Variants in RGS7 observed in about 807,000 individuals in gnomAD.
The protein encoded by RGS7 is regulator of G-protein signaling 7.
A neutral mutation model predicts 81.1 loss-of-function variants in RGS7; 27 were observed. The observed-to-expected ratio is 0.33, with a 90% CI of 0.25 to 0.46. The LOEUF (loss-of-function observed/expected upper bound fraction) is 0.46. Among genes scored for constraint, RGS7 ranks in the 20% least tolerant of loss-of-function variants. RGS7 has a pLI of 1.00. For missense variants in RGS7, 396 were observed against 607.4 expected, an observed-to-expected ratio of 0.65 and a Z score of 3.66; for synonymous variants, 208 against 207.7, an observed-to-expected ratio of 1.00 and a Z score of -0.01.
intron 3 of RGS7, among the ~76,000 whole-genome samples, chr1:241,058,997 C>T (rs765168968): frequency 6.6e-6 from 1 of 152,206 alleles, no homozygotes; most frequent in Admixed American, 6.5e-5. Context: ...CAACACACTT[C>T]GAAAGGCATT....
chr1:241,313,800 G>C (rs956649616), intron 2 of RGS7, among the ~76,000 whole-genome samples: 19 of 152,128 alleles, frequency 1.2e-4, no homozygotes, highest in African/African-American at 4.3e-4. Flanking sequence ...TAATTCATAG[G>C]AAGAGGTCAA....
chr1:241,105,164 T>C (rs547571668), intron 2 of RGS7, among the ~76,000 whole-genome samples: 1 of 152,304 alleles, frequency 6.6e-6, no homozygotes, highest in South Asian at 2.1e-4. Flanking sequence ...TTAGAGGAAT[T>C]TCTTCCTTTA....
chr1:241,169,172 A>T (rs2070514055), intron 2 of RGS7, among the ~76,000 whole-genome samples: 1 of 151,610 alleles, frequency 6.6e-6, no homozygotes, highest in Non-Finnish European at 1.5e-5. Context: ...TTATACACAC[A>T]TGTAATATAT....
intron 6 of RGS7, among the ~76,000 whole-genome samples, chr1:240,885,358 T>TA (rs1385435973): frequency 1.3e-5 from 2 of 152,074 alleles, no homozygotes; most frequent in Non-Finnish European, 2.9e-5. Flanking sequence ...CTCAAAGAGC[T>TA]AAAAACAGAA....
chr1:240,930,764 G>T lies in RGS7; in HGVS notation c.338C>A (p.Pro113His). The change falls in exon 6 of 19, where the codon CCC (proline) becomes CAC (histidine). Residue 113 changes from proline to histidine, a missense_variant. Transcript: ENST00000440928. ...DDGTFYRFQT[P>H]YFWPSNCWEP... is the part of the protein sequence containing the mutation. ...CCAACAATTTGATGGCCAAAAATAGGGGGTCTGCGGAATGAAAAGAAGTGG... is the reference window on the plus strand; with the variant it reads ...CCAACAATTTGATGGCCAAAAATAGTGGGTCTGCGGAATGAAAAGAAGTGG... The T allele has an allele frequency of 2.5e-6, 4 of 1,613,768 alleles. No individual in the cohort carries two copies. Among genetic ancestry groups the T allele is most frequent in the Non-Finnish European group, 2.5e-6 (3 of 1,179,806 alleles).
rs181742873 is a variant in RGS7, at chr1:241,314,036, T to C, written c.78+41663A>G. Among the ~76,000 whole-genome samples the C allele has an allele frequency of 9.2e-5, 14 of 152,310 alleles. No homozygotes were observed. In the East Asian group the frequency reaches 2.7e-3, roughly 29 times the overall value. On this transcript the variant is annotated intron_variant, in intron 2 of 18. Transcript: ENST00000440928. ...TTATGAATGTGCAAAAAAAAGTGGT[T>C]TTTTGAGATGGAATCTACTCCTAGT...
At chr1:240,894,475 A>G (rs1035850516) in intron 6 of RGS7, among the ~76,000 whole-genome samples, 2 of 151,964 alleles carry the variant, frequency 1.3e-5, no homozygotes, top group Admixed American at 6.6e-5. Flanking sequence ...CCTCTCTTCC[A>G]TATTTTCCAT....
chr1:240,783,036 C>T lies in RGS7; in HGVS notation c.*7-6823G>A, dbSNP rs142019099. On this transcript the variant is annotated intron_variant, in intron 18 of 18. Coordinates refer to ENST00000440928, the MANE Select transcript of RGS7 (RefSeq NM_001364886.1). ...AATGGAAATATGCTAGAAAAAGCAGCATATAATCAGTTTCAGGACAAAATA... is the reference window on the plus strand; with the variant it reads ...AATGGAAATATGCTAGAAAAAGCAGTATATAATCAGTTTCAGGACAAAATA... Among the ~76,000 whole-genome samples the T allele has an allele frequency of 5.8e-3, 888 of 152,222 alleles. 12 individuals carry two copies. The highest frequency in any genetic ancestry group is 0.021 in the African/African-American group (857 of 41,546).
chr1:241,152,687 A>G lies in RGS7; in HGVS notation c.79-53925T>C, dbSNP rs185827385. Among the ~76,000 whole-genome samples the G allele has an allele frequency of 3.1e-4, 47 of 152,282 alleles. No individual in the cohort carries two copies. In the East Asian group the frequency reaches 7.0e-3, roughly 23 times the overall value. ...GGAGCAATGTGGTTGGTTCTGGCCA[A>G]TGAGCTGTGAGTGGAAGAGACCTGC... On this transcript the variant is annotated intron_variant, in intron 2 of 18. Transcript: ENST00000440928.
intron 3 of RGS7, among the ~76,000 whole-genome samples, chr1:241,015,630 T>A (rs1424252864): frequency 6.6e-6 from 1 of 152,198 alleles, no homozygotes; most frequent in Admixed American, 6.5e-5. Flanking sequence ...CAAATAAATG[T>A]CAACCTCAAT....
chr1:240,805,979 A>T (rs540411652), intron 15 of RGS7, among the ~76,000 whole-genome samples, 161 bp downstream of exon 15: 14 of 152,216 alleles, frequency 9.2e-5, no homozygotes, highest in Non-Finnish European at 1.6e-4. Flanking sequence ...ATTCAGTTTA[A>T]TGTGTCTTTG....
intron 2 of RGS7, among the ~76,000 whole-genome samples, chr1:241,215,111 T>C (rs1189426772): frequency 6.6e-6 from 1 of 152,196 alleles, no homozygotes; most frequent in Non-Finnish European, 1.5e-5. Flanking sequence ...TGTGGATGAT[T>C]CATTGTAAAA....
intron 6 of RGS7, among the ~76,000 whole-genome samples, chr1:240,893,116 A>T (rs1479898843): frequency 6.6e-6 from 1 of 152,216 alleles, no homozygotes; most frequent in Non-Finnish European, 1.5e-5. Context: ...CAATCCAGTG[A>T]AATAGACAGC....
chr1:240,972,231 A>G (rs1331756817), intron 4 of RGS7, among the ~76,000 whole-genome samples: 2 of 152,186 alleles, frequency 1.3e-5, no homozygotes, highest in Non-Finnish European at 1.5e-5. Context: ...TAGTTGTTCA[A>G]AAAGGTGCAG....
chr1:241,025,010 T>G (rs938527202), intron 3 of RGS7, among the ~76,000 whole-genome samples: 3 of 152,248 alleles, frequency 2.0e-5, no homozygotes, highest in Non-Finnish European at 4.4e-5. Context: ...ATTGAGTCCC[T>G]GGGAATTTGC....
chr1:241,278,390 A>G (rs1253033405), intron 2 of RGS7, among the ~76,000 whole-genome samples: 4 of 152,110 alleles, frequency 2.6e-5, no homozygotes, highest in Non-Finnish European at 5.9e-5. Flanking sequence ...TTTCTAATCT[A>G]TTCTACATTA....
At chr1:240,960,940 T>C (rs1054087144) in intron 4 of RGS7, among the ~76,000 whole-genome samples, 2 of 152,172 alleles carry the variant, frequency 1.3e-5, no homozygotes, top group African/African-American at 4.8e-5. Context: ...AGTGCAATTA[T>C]GAATATAGGT....
intron 2 of RGS7, among the ~76,000 whole-genome samples, chr1:241,276,060 T>C (rs140538058): frequency 1.3e-5 from 2 of 152,346 alleles, no homozygotes; most frequent in Admixed American, 6.5e-5. Flanking sequence ...TCAGAGATAC[T>C]AGGGCATCCA....
intron 2 of RGS7, among the ~76,000 whole-genome samples, chr1:241,349,388 C>A (rs1199073183): frequency 2.0e-5 from 3 of 152,170 alleles, no homozygotes; most frequent in African/African-American, 4.8e-5. Flanking sequence ...ACAAAACTGC[C>A]ATTTCCTATA....
Sources: allele counts gnomAD v4.1 joint callset (sites outside exome capture counted in the v4.1 genomes callset), GRCh38; gene constraint gnomAD v4.1.1; transcripts MANE v1.5; gene names NCBI Gene and HGNC (gene_info 2026-07-23, HGNC 2026-07-21).